Variants in CCSER1 observed in about 807,000 individuals in gnomAD.
CCSER1 encodes serine-rich coiled-coil domain-containing protein 1.
CCSER1 carries 41 observed loss-of-function variants against 82.0 expected under a neutral mutation model. The ratio of observed to expected loss-of-function variants is 0.50; its 90% CI spans 0.39 to 0.65. The LOEUF (loss-of-function observed/expected upper bound fraction) is 0.65, where lower values mean the gene tolerates loss of function less well. Ranked by LOEUF, CCSER1 falls within the 30% of genes least tolerant of loss-of-function variation. The probability of loss-of-function intolerance (pLI) is 0.00; values close to 1 mark genes in which losing one functional copy is unlikely to be tolerated. For missense variants in CCSER1, 1,119 were observed against 1,064.2 expected (o/e 1.05, Z -0.72); for synonymous variants, 414 against 383.9 (o/e 1.08, Z -0.92).
At chr4:90,251,157 A>G (rs1217273442) in intron 1 of CCSER1, among the ~76,000 whole-genome samples, 1 of 151,854 alleles carries the variant, frequency 6.6e-6, no homozygotes, top group African/African-American at 2.4e-5. Flanking sequence ...CCCTTTGCAA[A>G]TAGAGGTACA....
chr4:91,165,719 G>T (rs1339264484), intron 10 of CCSER1, among the ~76,000 whole-genome samples: 1 of 152,242 alleles, frequency 6.6e-6, no homozygotes, highest in Admixed American at 6.5e-5. Context: ...GGCTCCATGG[G>T]CATGGCACCC....
intron 10 of CCSER1, among the ~76,000 whole-genome samples, chr4:91,481,858 T>G (rs958121824): frequency 1.3e-5 from 2 of 151,866 alleles, no homozygotes; most frequent in Non-Finnish European, 2.9e-5. Context: ...TGGGAGAAAA[T>G]TTTTGCAATC....
At chr4:90,561,861 T>C (rs1450151708) in intron 5 of CCSER1, among the ~76,000 whole-genome samples, 2 of 152,148 alleles carry the variant, frequency 1.3e-5, no homozygotes, top group Non-Finnish European at 1.5e-5. Flanking sequence ...TAACTAATAA[T>C]AATCACCATA....
chr4:91,514,957 A>C (rs1311207832), intron 10 of CCSER1, among the ~76,000 whole-genome samples: 2 of 152,186 alleles, frequency 1.3e-5, no homozygotes, highest in Non-Finnish European at 2.9e-5. Context: ...TAGGAAGAAC[A>C]AACTGCTTAA....
intron 1 of CCSER1, among the ~76,000 whole-genome samples, chr4:90,237,899 G>A (rs750274037): frequency 1.3e-5 from 2 of 152,204 alleles, no homozygotes; most frequent in African/African-American, 2.4e-5. Flanking sequence ...AATAGGTTTA[G>A]TGTAGTGTGT....
intron 9 of CCSER1, among the ~76,000 whole-genome samples, chr4:91,000,262 A>AT (rs969953549): frequency 2.0e-5 from 3 of 147,506 alleles, no homozygotes; most frequent in Non-Finnish European, 3.0e-5. Context: ...ATAGTATAGT[A>AT]TAGTATAGTA....
At chr4:90,391,932 G>T (rs991118247) in intron 3 of CCSER1, among the ~76,000 whole-genome samples, 4 of 151,964 alleles carry the variant, frequency 2.6e-5, no homozygotes, top group Non-Finnish European at 4.4e-5. Context: ...TTATTGAAGA[G>T]AAATGTTGCT....
At chr4:91,411,856 TA>T (rs35429800) in intron 10 of CCSER1, among the ~76,000 whole-genome samples, 105,161 of 148,494 alleles carry the variant, frequency 0.71, 37,028 homozygotes, top group East Asian at 0.86. Context: ...TGTTACACAG[TA>T]AAAAAAAAAA....
intron 10 of CCSER1, among the ~76,000 whole-genome samples, chr4:91,589,482 T>C (rs1190738440): frequency 2.0e-5 from 3 of 151,936 alleles, no homozygotes; most frequent in African/African-American, 7.2e-5. Context: ...AAAGATTTTT[T>C]TAAGATTATT....
Position 91,000,349 on chromosome 4 carries a change from G to T in CCSER1, c.2172+76902G>T, listed in dbSNP as rs529438056. ...AGCCTTGTAGTATAGGTTGAAATTG[G>T]GTAATGTTATGCCTCCAGCTTTGCT... On this transcript the variant is annotated intron_variant, in intron 9 of 10. Coordinates refer to ENST00000509176, the MANE Select transcript of CCSER1 (RefSeq NM_001145065.2). Among the ~76,000 whole-genome samples the T allele has an allele frequency of 3.3e-5, 5 of 152,056 alleles. No individual in the cohort carries two copies. The East Asian group carries it at 9.7e-4, about 29-fold the overall frequency.
chr4:90,715,074 T>G (rs2149341854), intron 6 of CCSER1, among the ~76,000 whole-genome samples: 1 of 152,126 alleles, frequency 6.6e-6, no homozygotes, highest in South Asian at 2.1e-4. Flanking sequence ...GCTTCCTACC[T>G]TTATATGAAA....
chr4:91,175,882 G>A (rs1245550461), intron 10 of CCSER1, among the ~76,000 whole-genome samples: 2 of 152,150 alleles, frequency 1.3e-5, no homozygotes, highest in Non-Finnish European at 2.9e-5. Context: ...TGGTGTTTTA[G>A]TCATGAAGTT....
At chr4:90,286,321 T>G (rs1729877649) in intron 1 of CCSER1, among the ~76,000 whole-genome samples, 1 of 152,056 alleles carries the variant, frequency 6.6e-6, no homozygotes, top group African/African-American at 2.4e-5. Context: ...TACCTGTTAT[T>G]GTATACATTT....
intron 10 of CCSER1, among the ~76,000 whole-genome samples, chr4:91,202,912 T>G (rs531533889): frequency 2.7e-5 from 3 of 110,678 alleles, no homozygotes; most frequent in African/African-American, 1.1e-4. Context: ...CTTTTTCATC[T>G]TATTAATATG....
At chr4:90,462,706 A>G (rs1455998817) in intron 4 of CCSER1, among the ~76,000 whole-genome samples, 1 of 152,196 alleles carries the variant, frequency 6.6e-6, no homozygotes, top group Non-Finnish European at 1.5e-5. Flanking sequence ...GTGAATAGCC[A>G]CCAGACTCCA....
At chr4:90,632,642 C>T (rs1016935473) in intron 6 of CCSER1, among the ~76,000 whole-genome samples, 1 of 151,974 alleles carries the variant, frequency 6.6e-6, no homozygotes, top group Non-Finnish European at 1.5e-5. Flanking sequence ...CTGTCTTTGG[C>T]CCAAGCATGT....
At chr4:91,475,114 A>G (rs1456880232) in intron 10 of CCSER1, among the ~76,000 whole-genome samples, 1 of 151,690 alleles carries the variant, frequency 6.6e-6, no homozygotes, top group Non-Finnish European at 1.5e-5. Flanking sequence ...GCTGATGAGA[A>G]TTTTGTTGTC....
At chr4:90,246,314 A>G (rs1338353256) in intron 1 of CCSER1, among the ~76,000 whole-genome samples, 1 of 151,926 alleles carries the variant, frequency 6.6e-6, no homozygotes, top group African/African-American at 2.4e-5. Flanking sequence ...TCAAATTTCA[A>G]CCCTGTTTGG....
chr4:91,184,721 T>C (rs1240726570), intron 10 of CCSER1, among the ~76,000 whole-genome samples: 1 of 152,246 alleles, frequency 6.6e-6, no homozygotes, highest in African/African-American at 2.4e-5. Flanking sequence ...AATTATTTCC[T>C]AATCTTTGGC....
Sources: gnomAD v4.1 joint callset for allele counts (sites outside exome capture counted in the v4.1 genomes callset) on GRCh38, gnomAD v4.1.1 for gene constraint, MANE v1.5 for transcripts, NCBI Gene and HGNC (gene_info 2026-07-23, HGNC 2026-07-21) for gene names.